The following RBFOX1 variants were observed in gnomAD, a reference collection of about 807,000 sequenced individuals.
The protein encoded by RBFOX1 is RNA binding fox-1 homolog 1.
Under a neutral mutation model 57.7 loss-of-function variants are expected in RBFOX1, and 8 were observed. The ratio of observed to expected loss-of-function variants is 0.14; its 90% CI spans 0.08 to 0.25. The LOEUF (loss-of-function observed/expected upper bound fraction) is 0.25, where lower values mean the gene tolerates loss of function less well. Ranked by LOEUF, RBFOX1 falls within the 10% of genes least tolerant of loss-of-function variation. RBFOX1 has a pLI of 1.00. For missense variants in RBFOX1, 611 were observed against 548.5 expected (o/e 1.11, Z -1.14); for synonymous variants, 326 against 222.4 (o/e 1.47, Z -4.15).
At chr16:6,436,511 C>CTTTTTTTTTTTTTTTTTTTTTTTCT (rs61508952) in intron 2 of RBFOX1, among the ~76,000 whole-genome samples, 1 of 103,422 alleles carries the variant, frequency 9.7e-6, no homozygotes, top group African/African-American at 3.3e-5. Context: ...TTTTTCTTCA[C>CTTTTTTTTTTTTTTTTTTTTTTTCT]TTTTTTTTTT....
At chr16:7,185,471 G>A (rs2083532738) in intron 4 of RBFOX1, among the ~76,000 whole-genome samples, 1 of 152,130 alleles carries the variant, frequency 6.6e-6, no homozygotes, top group South Asian at 2.1e-4. Context: ...GAGCTATCTG[G>A]GTCTAGTGCC....
intron 3 of RBFOX1, among the ~76,000 whole-genome samples, chr16:5,782,025 G>C (rs1023399151): frequency 2.0e-5 from 3 of 152,194 alleles, no homozygotes; most frequent in Non-Finnish European, 4.4e-5. Context: ...GGGCCAACAT[G>C]GTGAAACCCC....
rs200502098 is a variant in RBFOX1, at chr16:7,579,835, C to T, written c.329C>T (p.Thr110Met). 48 of 1,613,956 alleles carry T rather than the reference C, an allele frequency of 3.0e-5. No homozygotes were observed. The highest frequency in any genetic ancestry group is 2.3e-4 in the African/African-American group (17 of 74,918). Residue 110 changes from threonine to methionine, a missense_variant, in exon 6 of 16, where the codon ACG becomes ATG. Thr to Met is a moderately conservative substitution (Grantham distance 81). Around this residue, in one of 3 missense-constraint regions of RBFOX1, gnomAD observed 245 missense variants for 159.1 expected, o/e 1.54. Transcript: ENST00000550418. Reference sequence around the variant, plus strand: ...CCCCAGACACAACCTTCTGAAAACACGGAAAACAAGTCTCAGCCCAAGCGG... The same window carrying T: ...CCCCAGACACAACCTTCTGAAAACATGGAAAACAAGTCTCAGCCCAAGCGG... ...GQPQTQPSEN[T>M]ENKSQPKRLH...
intron 4 of RBFOX1, among the ~76,000 whole-genome samples, chr16:7,487,533 A>G (rs952621400): frequency 1.3e-5 from 2 of 152,206 alleles, no homozygotes; most frequent in African/African-American, 2.4e-5. Context: ...AACATTCCTT[A>G]AAGTGGGAAT....
At chr16:5,621,205 C>T (rs75214642) in intron 3 of RBFOX1, among the ~76,000 whole-genome samples, 2 of 152,114 alleles carry the variant, frequency 1.3e-5, no homozygotes, top group African/African-American at 2.4e-5. Context: ...TCAAACTCTT[C>T]GGCTCATGGG....
intron 4 of RBFOX1, among the ~76,000 whole-genome samples, chr16:7,130,519 C>A (rs931620285): frequency 5.9e-5 from 9 of 152,014 alleles, no homozygotes; most frequent in African/African-American, 2.2e-4. Flanking sequence ...AGAGCCTGAC[C>A]CAGAGAGAGT....
chr16:7,124,885 T>A lies in RBFOX1; in HGVS notation c.27+72787T>A, dbSNP rs1014681574. Among the ~76,000 whole-genome samples, 6 of 152,130 alleles carry A rather than the reference T, an allele frequency of 3.9e-5. No individual in the cohort carries two copies. The South Asian group carries it at 1.0e-3, about 26-fold the overall frequency. ...AGTGTATTCCTGACAAATAAATATT[T>A]CACCAGCCAGTGACAGCGTTATGAG... On this transcript the variant is annotated intron_variant, in intron 4 of 15. Coordinates refer to ENST00000550418, the MANE Select transcript of RBFOX1 (RefSeq NM_018723.4).
chr16:7,523,080 C>A (rs1032394956), intron 5 of RBFOX1, among the ~76,000 whole-genome samples: 1 of 152,168 alleles, frequency 6.6e-6, no homozygotes, highest in East Asian at 1.9e-4. Flanking sequence ...ATATCAGTAA[C>A]CTCAAACATT....
chr16:6,283,434 C>G (rs937538922), intron 1 of RBFOX1, among the ~76,000 whole-genome samples: 3 of 152,136 alleles, frequency 2.0e-5, no homozygotes, highest in Non-Finnish European at 4.4e-5. Flanking sequence ...TTATCCCAGT[C>G]CTTCTCAAGC....
intron 10 of RBFOX1, among the ~76,000 whole-genome samples, chr16:7,624,932 A>T (rs2059858207): frequency 6.6e-6 from 1 of 152,184 alleles, no homozygotes; most frequent in African/African-American, 2.4e-5. Context: ...CGAAAAGTGT[A>T]ATAGGCAAGA....
intron 4 of RBFOX1, among the ~76,000 whole-genome samples, chr16:7,288,518 A>C (rs2095695168): frequency 6.6e-6 from 1 of 152,204 alleles, no homozygotes; most frequent in Admixed American, 6.5e-5. Flanking sequence ...TAGTGTCTAC[A>C]CACAGTAAAT....
chr16:7,068,740 A>G (rs974379854), intron 4 of RBFOX1, among the ~76,000 whole-genome samples: 4 of 152,142 alleles, frequency 2.6e-5, no homozygotes, highest in African/African-American at 9.7e-5. Flanking sequence ...GGTCCCTGCC[A>G]CCACACCCAG....
At chr16:7,256,433 T>G (rs1156711106) in intron 4 of RBFOX1, among the ~76,000 whole-genome samples, 1 of 152,218 alleles carries the variant, frequency 6.6e-6, no homozygotes, top group Non-Finnish European at 1.5e-5. Flanking sequence ...TACACTAGTT[T>G]GTCTCAATCT....
At chr16:6,545,485 C>T (rs560297946) in intron 2 of RBFOX1, among the ~76,000 whole-genome samples, 1 of 152,160 alleles carries the variant, frequency 6.6e-6, no homozygotes, top group African/African-American at 2.4e-5. Context: ...ACGTGTGCCT[C>T]TCCTTCTGCC....
intron 2 of RBFOX1, among the ~76,000 whole-genome samples, chr16:6,463,694 C>T (rs2094972574): frequency 1.3e-5 from 2 of 152,334 alleles, no homozygotes; most frequent in South Asian, 2.1e-4. Flanking sequence ...AGCTCTCTTA[C>T]AGCCATGTTT....
At chr16:6,268,948 G>T (rs888124659) in intron 1 of RBFOX1, among the ~76,000 whole-genome samples, 1 of 152,150 alleles carries the variant, frequency 6.6e-6, no homozygotes, top group African/African-American at 2.4e-5. Flanking sequence ...ATGGCATAGT[G>T]TTTGCATATA....
At chr16:6,653,468 G>A (rs1443637055) in intron 2 of RBFOX1, among the ~76,000 whole-genome samples, 3 of 152,078 alleles carry the variant, frequency 2.0e-5, no homozygotes, top group Non-Finnish European at 2.9e-5. Context: ...TATTGCTTGT[G>A]GGACTGTGTC....
At chr16:7,130,059 G>T (rs1160401614) in intron 4 of RBFOX1, among the ~76,000 whole-genome samples, 4 of 143,198 alleles carry the variant, frequency 2.8e-5, no homozygotes, top group South Asian at 2.2e-4. Context: ...TTGAGACAGA[G>T]CCTAGCTCTG....
intron 5 of RBFOX1, among the ~76,000 whole-genome samples, chr16:7,569,870 C>G (rs2152760875): frequency 6.6e-6 from 1 of 152,018 alleles, no homozygotes; most frequent in South Asian, 2.1e-4. Flanking sequence ...CCAAAAAAAA[C>G]AAAACAAAAC....
Sources: gnomAD v4.1 joint callset for allele counts (sites outside exome capture counted in the v4.1 genomes callset) on GRCh38, gnomAD v4.1.1 for gene constraint, gnomAD v4.1.1 regional missense constraint, MANE v1.5 for transcripts, NCBI Gene and HGNC (gene_info 2026-07-23, HGNC 2026-07-21) for gene names.